EXOC3L2: variants seen among roughly 807,000 people sequenced by gnomAD.
The protein encoded by EXOC3L2 is exocyst complex component 3-like protein 2.
A neutral mutation model predicts 44.4 loss-of-function variants in EXOC3L2; 17 were observed. That is an observed-to-expected ratio of 0.38 (90% CI 0.26 to 0.57). The LOEUF (loss-of-function observed/expected upper bound fraction) is 0.57. EXOC3L2 is among the 20% of genes least tolerant of loss of function. EXOC3L2 has a pLI of 0.65. For missense variants in EXOC3L2, 541 were observed against 588.4 expected, an observed-to-expected ratio of 0.92 and a Z score of 0.83; for synonymous variants, 256 against 253.7, an observed-to-expected ratio of 1.01 and a Z score of -0.09.
At chr19:45,240,145 C>G (rs10469273) in intron 1 of EXOC3L2, among the ~76,000 whole-genome samples, 3,637 of 147,918 alleles carry the variant, frequency 0.025, 162 homozygotes, top group African/African-American at 0.086. Flanking sequence ...CACCCTGTCA[C>G]CCAGGCTGGA....
At chr19:45,236,465 CAAAAAAA>C (rs34024056) in intron 2 of EXOC3L2, among the ~76,000 whole-genome samples, 1 of 44,996 alleles carries the variant, frequency 2.2e-5, no homozygotes, top group Non-Finnish European at 3.9e-5. Context: ...GACTCCATCT[CAAAAAAA>C]AAAAAAAAAA....
In EXOC3L2 at chr19:45,213,235, C is replaced by G; in HGVS notation, c.2243G>C (p.Arg748Pro). The G allele has an allele frequency of 6.2e-7, 1 of 1,612,824 alleles. No homozygotes were observed. The highest frequency in any genetic ancestry group is 8.5e-7 in the Non-Finnish European group (1 of 1,179,412). ...LSEEGALSPP[R>P]DRAFFADIPV... ...GATGTCTGCAAAGAAGGCACGGTCC[C>G]GAGGGGGTGACAGGGCTCCCTCCTC... Residue 748 changes from arginine (R) to proline (P), a missense_variant, in exon 12 of 12, where the codon CGG (arginine) becomes CCG (proline). Coordinates refer to ENST00000413988, the MANE Select transcript of EXOC3L2 (RefSeq NM_001382422.1).
rs1438516724 is a variant in EXOC3L2 at position 45,234,909 on chromosome 19, G to A, written c.524-83C>T. 2.6e-6 allele frequency: 1 copy of A among 380,642 alleles called. No homozygotes were observed. Among genetic ancestry groups the A allele is most frequent in the Non-Finnish European group, 4.7e-6 (1 of 214,546 alleles). 23.6% of individuals were successfully genotyped at this position (380,642 alleles called of 1,614,324 possible). On this transcript the variant is annotated intron_variant, in intron 2 of 11. Coordinates refer to ENST00000413988, the MANE Select transcript of EXOC3L2 (RefSeq NM_001382422.1). This position sits in a 1 kb window ranked among gnomAD's most constrained non-coding sequence, Gnocchi z 5.0. Reference sequence around the variant, plus strand: ...CGCGGGGTTGGGGGTGCTTAGGAAGGGGAGAGAGATGAGGGGAAAAGGGTT... The same window carrying A: ...CGCGGGGTTGGGGGTGCTTAGGAAGAGGAGAGAGATGAGGGGAAAAGGGTT...
chr19:45,217,500 A>C, intron 10 of EXOC3L2, 28 bp downstream of exon 10: 1 of 1,549,372 alleles, frequency 6.5e-7, no homozygotes, highest in Non-Finnish European at 8.6e-7. Context: ...GGTTTCTGAA[A>C]CACCCCCAAC....
At chr19:45,225,239 G>C (rs1232156746) in intron 7 of EXOC3L2, among the ~76,000 whole-genome samples, 1 of 151,888 alleles carries the variant, frequency 6.6e-6, no homozygotes, top group Non-Finnish European at 1.5e-5. Context: ...CTGGGTGAGA[G>C]TGTGGAGGCC....
At chr19:45,241,943 G>A (rs1483300547) in intron 1 of EXOC3L2, among the ~76,000 whole-genome samples, 1 of 152,192 alleles carries the variant, frequency 6.6e-6, no homozygotes, top group Non-Finnish European at 1.5e-5. Context: ...CCCAGCACAG[G>A]GCAGACACTC....
At chr19:45,233,678 G>A (rs1008604401) in intron 3 of EXOC3L2, among the ~76,000 whole-genome samples, 1 of 152,176 alleles carries the variant, frequency 6.6e-6, no homozygotes, top group African/African-American at 2.4e-5. Flanking sequence ...TAGGTTCTAG[G>A]TCTGAAAGGG....
At chr19:45,220,600 G>A (rs1217138530) in intron 8 of EXOC3L2, among the ~76,000 whole-genome samples, 1 of 152,148 alleles carries the variant, frequency 6.6e-6, no homozygotes, top group Non-Finnish European at 1.5e-5. Context: ...TGTTTTGGGG[G>A]TGAGGGAAGC....
At position 45,238,860 on chromosome 19, in the gene EXOC3L2, C is replaced by T; in HGVS notation, c.186G>A (p.Ala62=). The T allele has an allele frequency of 2.5e-6, 1 of 399,122 alleles. No individual in the cohort carries two copies. The allele number at this position is 399,122 out of a possible 1,614,324, so 24.7% of individuals were successfully genotyped here. A position where few individuals can be genotyped will look rare whatever the true frequency, so the allele number is the denominator to read the frequency against. The change falls in exon 2 of 12, where the codon GCG becomes GCA. Residue 62 remains alanine (A), a synonymous_variant. Transcript: ENST00000413988. The surrounding 1 kb of genome is among the most constrained non-coding windows in gnomAD (Gnocchi z 5.5). ...AGCCCAGCCGGAAGGGGGCCAGGCC[C>T]GCAAGCTTCTCCAGGGTGGCGCGGC... ...CRRRATLEKL[A]GLAPFRLGWA... is the part of the protein sequence containing the mutation.
At chr19:45,218,971 G>A (rs970134118) in intron 8 of EXOC3L2, among the ~76,000 whole-genome samples, 3 of 152,032 alleles carry the variant, frequency 2.0e-5, no homozygotes, top group Admixed American at 2.0e-4. Flanking sequence ...GCGCGCAGTG[G>A]CTCACGCCTG....
intron 3 of EXOC3L2, among the ~76,000 whole-genome samples, chr19:45,233,601 T>G (rs1217345769): frequency 6.6e-6 from 1 of 152,124 alleles, no homozygotes; most frequent in Admixed American, 6.5e-5. Flanking sequence ...CCCACCGTGC[T>G]GAGCTACTAG....
intron 11 of EXOC3L2, 119 bp downstream of exon 11, chr19:45,215,954 C>G: frequency 7.1e-7 from 1 of 1,413,708 alleles, no homozygotes; most frequent in Non-Finnish European, 9.5e-7. Flanking sequence ...AGGAAACGGC[C>G]GTCAGACACG....
intron 1 of EXOC3L2, among the ~76,000 whole-genome samples, chr19:45,241,192 T>C (rs1408115115): frequency 6.6e-6 from 1 of 151,894 alleles, no homozygotes; most frequent in Non-Finnish European, 1.5e-5. Flanking sequence ...TTGAGGACCT[T>C]GAAAAAGCGC....
In EXOC3L2 at chr19:45,234,885, G is replaced by A; in HGVS notation, c.524-59C>T. 1 of 385,200 alleles carries A rather than the reference G, an allele frequency of 2.6e-6. No homozygotes were observed. Among genetic ancestry groups the A allele is most frequent in the Non-Finnish European group, 4.6e-6 (1 of 217,272 alleles). The allele number at this position is 385,200 out of a possible 1,614,324, so 23.9% of individuals were successfully genotyped here. A position where few individuals can be genotyped will look rare whatever the true frequency, so the allele number is the denominator to read the frequency against. On this transcript the variant is annotated intron_variant, in intron 2 of 11. Coordinates refer to ENST00000413988, the MANE Select transcript of EXOC3L2 (RefSeq NM_001382422.1). This position sits in a 1 kb window ranked among gnomAD's most constrained non-coding sequence, Gnocchi z 5.0. ...GGGGGGGAGGAGGGCGATGCCGGAC[G>A]CGGGGTTGGGGGTGCTTAGGAAGGG...
intron 1 of EXOC3L2, among the ~76,000 whole-genome samples, chr19:45,244,675 C>G (rs1247232571): frequency 1.3e-5 from 2 of 152,192 alleles, no homozygotes; most frequent in Non-Finnish European, 2.9e-5. Context: ...CACTGCCAGC[C>G]TTTTCCCCGG....
chr19:45,238,861 G>C lies in EXOC3L2; in HGVS notation c.185C>G (p.Ala62Gly), dbSNP rs537409987. 1 of 398,994 alleles carries C rather than the reference G, an allele frequency of 2.5e-6. No individual in the cohort carries two copies. Among genetic ancestry groups the C allele is most frequent in the South Asian group, 1.3e-4 (1 of 7,862 alleles). 24.7% of individuals were successfully genotyped at this position (398,994 alleles called of 1,614,324 possible). A position where few individuals can be genotyped will look rare whatever the true frequency, so the allele number is the denominator to read the frequency against. Residue 62 changes from alanine (A) to glycine (G), a missense_variant, in exon 2 of 12, where the codon GCG (alanine) becomes GGG (glycine). Transcript: ENST00000413988. This position sits in a 1 kb window ranked among gnomAD's most constrained non-coding sequence, Gnocchi z 5.5. Reference sequence around the variant, plus strand: ...GCCCAGCCGGAAGGGGGCCAGGCCCGCAAGCTTCTCCAGGGTGGCGCGGCG... The same window carrying C: ...GCCCAGCCGGAAGGGGGCCAGGCCCCCAAGCTTCTCCAGGGTGGCGCGGCG... ...CRRRATLEKL[A>G]GLAPFRLGWA... is the part of the protein sequence containing the mutation.
At chr19:45,230,709 G>A (rs749499979) in intron 4 of EXOC3L2, among the ~76,000 whole-genome samples, 1 of 150,104 alleles carries the variant, frequency 6.7e-6, no homozygotes, top group African/African-American at 2.5e-5. Flanking sequence ...CTGCCAAACA[G>A]TTAGTTTAAG....
rs1970108668 is a variant in EXOC3L2, at chr19:45,239,032, T to C, written c.14A>G (p.Lys5Arg). Residue 5 changes from lysine (K) to arginine (R), a missense_variant, in exon 2 of 12, where the codon AAG becomes AGG. Physicochemically the swap from Lys to Arg is conservative, Grantham distance 26 (BLOSUM62 2). Coordinates refer to ENST00000413988, the MANE Select transcript of EXOC3L2 (RefSeq NM_001382422.1). ...CTTAGGGTCTGACACTCCCAGATTC[T>C]TCAGGATAGGCATTTTGACAGGTGG... MPIL[K>R]NLGVSDPKVP... 7.5e-6 allele frequency: 3 copies of C among 398,976 alleles called. No homozygotes were observed. Among genetic ancestry groups the C allele is most frequent in the Non-Finnish European group, 1.3e-5 (3 of 226,106 alleles). 24.7% of individuals were successfully genotyped at this position (398,976 alleles called of 1,614,324 possible).
At chr19:45,215,273 C>T (rs1249805828) in intron 11 of EXOC3L2, among the ~76,000 whole-genome samples, 1 of 152,090 alleles carries the variant, frequency 6.6e-6, no homozygotes, top group Non-Finnish European at 1.5e-5. Flanking sequence ...AAGTTCGAGA[C>T]CAGCCTGGGC....
Sources: gnomAD v4.1 joint callset for allele counts (sites outside exome capture counted in the v4.1 genomes callset) on GRCh38, gnomAD v4.1.1 for gene constraint, Gnocchi (gnomAD v3.1) non-coding constraint, MANE v1.5 for transcripts, NCBI Gene and HGNC (gene_info 2026-07-23, HGNC 2026-07-21) for gene names.